HELZ: variants seen among roughly 807,000 people sequenced by gnomAD.
The protein encoded by HELZ is ATP-dependent RNA helicase with zinc finger domain.
A neutral mutation model predicts 218.2 loss-of-function variants in HELZ; 23 were observed. That is an observed-to-expected ratio of 0.11 (90% CI 0.08 to 0.15). The LOEUF (loss-of-function observed/expected upper bound fraction) is 0.15. Among genes scored for constraint, HELZ ranks in the 10% least tolerant of loss-of-function variants. HELZ has a pLI of 1.00. For synonymous variants in HELZ, 814 were observed against 829.4 expected, an observed-to-expected ratio of 0.98 and a Z score of 0.32; for missense variants, 1,813 against 2,353.7, an observed-to-expected ratio of 0.77 and a Z score of 4.75.
intron 32 of HELZ, among the ~76,000 whole-genome samples, chr17:67,084,461 G>C (rs1237217707): frequency 6.6e-6 from 1 of 151,794 alleles, no homozygotes; most frequent in East Asian, 2.0e-4. Flanking sequence ...AGGAGATCGA[G>C]ACCATCCTGG....
Position 67,108,408 on chromosome 17 carries a change from G to A in HELZ, c.4724+84C>T. 1 of 996,750 alleles carries A rather than the reference G, an allele frequency of 1.0e-6. No individual in the cohort carries two copies. Among genetic ancestry groups the A allele is most frequent in the South Asian group, 1.4e-5 (1 of 71,604 alleles). 61.7% of individuals were successfully genotyped at this position (996,750 alleles called of 1,614,324 possible). A position where few individuals can be genotyped will look rare whatever the true frequency, so the allele number is the denominator to read the frequency against. ...CCAATTTCTCTGAGGCAATATTCCA[G>A]CTTGAAGCTAAAAGGACTACAGTCA... is the stretch of plus-strand genomic sequence containing the variant. On this transcript the variant is annotated intron_variant, in intron 30 of 32. Transcript: ENST00000358691. The surrounding 1 kb of genome is among the most constrained non-coding windows in gnomAD (Gnocchi z 4.1).
intron 17 of HELZ, among the ~76,000 whole-genome samples, chr17:67,156,913 G>T (rs1394041671): frequency 2.0e-5 from 3 of 152,216 alleles, no homozygotes; most frequent in Non-Finnish European, 4.4e-5. Flanking sequence ...GTAGGGCCCA[G>T]TGGGAGGTGT....
chr17:67,235,109 A>C (rs1029734085), intron 3 of HELZ, among the ~76,000 whole-genome samples: 1 of 152,162 alleles, frequency 6.6e-6, no homozygotes. Flanking sequence ...ATCCCTCAGA[A>C]CAGAGCTTCT....
At chr17:67,133,299 ATT>A (rs1437539648) in intron 23 of HELZ, among the ~76,000 whole-genome samples, 5 of 152,352 alleles carry the variant, frequency 3.3e-5, no homozygotes, top group Admixed American at 3.3e-4. Context: ...GCCCTGGATA[ATT>A]CTGAGAACAT....
In HELZ at chr17:67,188,261, T is replaced by A; in HGVS notation, c.1162+58A>T. The A allele has an allele frequency of 6.8e-7, 1 of 1,477,272 alleles. No individual in the cohort carries two copies. Among genetic ancestry groups the A allele is most frequent in the Non-Finnish European group, 9.3e-7 (1 of 1,080,914 alleles). The allele number at this position is 1,477,272 out of a possible 1,614,324, so 91.5% of individuals were successfully genotyped here. Reference sequence around the variant, plus strand: ...TGGAATATATTCAGGGGCCAATACATATCTTTGAATGTTGCTTTTTAACAC... The same window carrying A: ...TGGAATATATTCAGGGGCCAATACAAATCTTTGAATGTTGCTTTTTAACAC... On this transcript the variant is annotated intron_variant, in intron 12 of 32. Coordinates refer to ENST00000358691, the MANE Select transcript of HELZ (RefSeq NM_014877.4). The surrounding 1 kb of genome is among the most constrained non-coding windows in gnomAD (Gnocchi z 4.1).
Position 67,167,428 on chromosome 17 carries a change from G to C in HELZ, c.1764+35C>G, listed in dbSNP as rs149818637. On this transcript the variant is annotated intron_variant, in intron 14 of 32. Coordinates refer to ENST00000358691, the MANE Select transcript of HELZ (RefSeq NM_014877.4). ...ACTACGAGCTGATAATGAGGCTACAGACCACTATGGTTAAGCTGCAACCTT... is the reference window on the plus strand; with the variant it reads ...ACTACGAGCTGATAATGAGGCTACACACCACTATGGTTAAGCTGCAACCTT... 3.5e-4 allele frequency: 512 copies of C among 1,453,954 alleles called. No homozygotes were observed. Among genetic ancestry groups the C allele is most frequent in the Non-Finnish European group, 4.7e-4 (493 of 1,042,574 alleles). 90.1% of individuals were successfully genotyped at this position (1,453,954 alleles called of 1,614,324 possible). A position where few individuals can be genotyped will look rare whatever the true frequency, so the allele number is the denominator to read the frequency against.
At chr17:67,114,539 G>T in intron 27 of HELZ, 136 bp from the exon 28 acceptor site, 1 of 536,552 alleles carries the variant, frequency 1.9e-6, no homozygotes, top group African/African-American at 1.9e-5. Context: ...GACTACTTGG[G>T]TTTTGTTCTT....
At position 67,107,284 on chromosome 17, in the gene HELZ, G is replaced by A. The variant is rs1401423501; in HGVS notation, c.5126C>T (p.Pro1709Leu). Residue 1709 changes from proline (P) to leucine (L), a missense_variant, in exon 31 of 33, where the codon CCA becomes CTA. Around this residue, in one of 4 missense-constraint regions of HELZ, gnomAD observed 938 missense variants for 1,027.5 expected, o/e 0.91. Coordinates refer to ENST00000358691, the MANE Select transcript of HELZ (RefSeq NM_014877.4). Reference protein sequence around the residue: ...PYGLPPLPHRPPQNPFVQIQN... With the variant: ...PYGLPPLPHRLPQNPFVQIQN... Reference sequence around the variant, plus strand: ...TATTTGTACAAAAGGGTTCTGCGGTGGCCTGTGAGGCAATGGAGGTAGGCC... The same window carrying A: ...TATTTGTACAAAAGGGTTCTGCGGTAGCCTGTGAGGCAATGGAGGTAGGCC... The A allele has an allele frequency of 1.9e-6, 3 of 1,614,068 alleles. No individual in the cohort carries two copies. The highest frequency in any genetic ancestry group is 2.2e-5 in the South Asian group (2 of 91,094).
chr17:67,206,593 T>C (rs1043215647), intron 5 of HELZ, among the ~76,000 whole-genome samples: 3 of 147,034 alleles, frequency 2.0e-5, no homozygotes, highest in Admixed American at 6.8e-5. Flanking sequence ...ATGACCATAT[T>C]AGGACTTTTT....
intron 31 of HELZ, among the ~76,000 whole-genome samples, chr17:67,105,781 C>T (rs2037082033): frequency 6.6e-6 from 1 of 152,004 alleles, no homozygotes; most frequent in Admixed American, 6.5e-5. Context: ...ATGTAGATAC[C>T]AATTCATCTT....
intron 3 of HELZ, among the ~76,000 whole-genome samples, chr17:67,221,904 G>A (rs1051239809): frequency 2.0e-5 from 3 of 149,934 alleles, no homozygotes; most frequent in Non-Finnish European, 3.0e-5. Context: ...GAGTGTAGTC[G>A]TGCAATCATA....
intron 11 of HELZ, among the ~76,000 whole-genome samples, chr17:67,189,216 T>G (rs1462433158): frequency 6.6e-6 from 1 of 152,150 alleles, no homozygotes; most frequent in Non-Finnish European, 1.5e-5. Flanking sequence ...TCATATCAAA[T>G]ATAAAAACAA....
Position 67,149,937 on chromosome 17 carries a change from C to T in HELZ, c.2405G>A (p.Cys802Tyr). The change falls in exon 19 of 33, where the codon TGT becomes TAT. Residue 802 changes from cysteine (C) to tyrosine (Y), a missense_variant. Cys to Tyr is a radical substitution (Grantham distance 194). Coordinates refer to ENST00000358691, the MANE Select transcript of HELZ (RefSeq NM_014877.4). ...TAATGCTAGAGGCATAATGGTTTCA[C>T]ACTCCATGGCCTGGGCAGCTTCATC... ...LLDEAAQAME[C>Y]ETIMPLALAT... 1 of 1,611,536 alleles carries T rather than the reference C, an allele frequency of 6.2e-7. No individual in the cohort carries two copies. The highest frequency in any genetic ancestry group is 8.5e-7 in the Non-Finnish European group (1 of 1,178,610).
intron 21 of HELZ, among the ~76,000 whole-genome samples, chr17:67,143,680 G>A (rs1334437519): frequency 6.6e-6 from 1 of 150,760 alleles, no homozygotes; most frequent in African/African-American, 2.4e-5. Context: ...TTTCACCTTG[G>A]CATTGAATTG....
At chr17:67,087,833 T>C (rs1346746417) in intron 31 of HELZ, among the ~76,000 whole-genome samples, 1 of 152,244 alleles carries the variant, frequency 6.6e-6, no homozygotes, top group Non-Finnish European at 1.5e-5. Context: ...TCAAGATTTT[T>C]TTATAGTTAC....
chr17:67,215,586 A>C (rs957174893), intron 5 of HELZ, among the ~76,000 whole-genome samples: 7 of 152,082 alleles, frequency 4.6e-5, no homozygotes, highest in African/African-American at 1.7e-4. Context: ...AGATCTTGTG[A>C]TCTGCCCGCC....
At chr17:67,080,765 A>G (rs2036163940) in intron 32 of HELZ, among the ~76,000 whole-genome samples, 1 of 152,182 alleles carries the variant, frequency 6.6e-6, no homozygotes, top group Non-Finnish European at 1.5e-5. Context: ...GTCCTAAGGG[A>G]GTTCTGGGAG....
chr17:67,104,892 G>A (rs1172007599), intron 31 of HELZ, among the ~76,000 whole-genome samples: 2 of 152,136 alleles, frequency 1.3e-5, no homozygotes, highest in Admixed American at 6.5e-5. Context: ...GAGGCTGGGG[G>A]CGGATCACCT....
chr17:67,238,009 C>T (rs985872025), intron 3 of HELZ, among the ~76,000 whole-genome samples: 2 of 146,346 alleles, frequency 1.4e-5, no homozygotes, highest in African/African-American at 2.5e-5. Context: ...AAAAAAAGAC[C>T]TGAAGCTTTT....
Sources: gnomAD v4.1 joint callset for allele counts (sites outside exome capture counted in the v4.1 genomes callset) on GRCh38, gnomAD v4.1.1 for gene constraint, gnomAD v4.1.1 regional missense constraint, Gnocchi (gnomAD v3.1) non-coding constraint, MANE v1.5 for transcripts, NCBI Gene and HGNC (gene_info 2026-07-23, HGNC 2026-07-21) for gene names.